The following ANKRD6 variants were observed in gnomAD, a reference collection of about 807,000 sequenced individuals.
ANKRD6 encodes ankyrin repeat domain-containing protein 6.
In ANKRD6, 56 loss-of-function variants were observed where a neutral mutation model predicts 82.3. The ratio of observed to expected loss-of-function variants is 0.68; its 90% confidence interval spans 0.55 to 0.85. ANKRD6 has a LOEUF of 0.85. ANKRD6 is among the 40% of genes least tolerant of loss of function. ANKRD6 has a pLI of 0.00. For synonymous variants in ANKRD6, 347 were observed against 352.1 expected (o/e 0.99, Z 0.16); for missense variants, 852 against 907.6 (o/e 0.94, Z 0.79).
At chr6:89,506,193 T>A (rs1779830015) in intron 1 of ANKRD6, among the ~76,000 whole-genome samples, 1 of 152,026 alleles carries the variant, frequency 6.6e-6, no homozygotes, top group Non-Finnish European at 1.5e-5. Flanking sequence ...GGAGAGTAGA[T>A]CTTAAGTATT....
intron 1 of ANKRD6, among the ~76,000 whole-genome samples, chr6:89,540,951 T>C (rs1228949224): frequency 6.6e-6 from 1 of 152,214 alleles, no homozygotes; most frequent in African/African-American, 2.4e-5. Flanking sequence ...TATGGATTTG[T>C]TTCTGGGTTC....
chr6:89,629,272 A>G, intron 15 of ANKRD6, 34 bp downstream of exon 15: 1 of 1,612,924 alleles, frequency 6.2e-7, no homozygotes, highest in Non-Finnish European at 8.5e-7. Flanking sequence ...TTTGTCCAAA[A>G]GGAACACGAC....
chr6:89,543,133 GA>G (rs1388640339), intron 1 of ANKRD6, among the ~76,000 whole-genome samples: 1 of 152,206 alleles, frequency 6.6e-6, no homozygotes. Context: ...CAGACGTGGC[GA>G]AAGCAAATCT....
intron 4 of ANKRD6, among the ~76,000 whole-genome samples, chr6:89,604,466 C>CTT (rs5878101): frequency 2.7e-5 from 4 of 148,878 alleles, no homozygotes; most frequent in African/African-American, 7.4e-5. Flanking sequence ...CCTCTGCTTA[C>CTT]TTTTTTTTTT....
chr6:89,546,365 T>C (rs1266796865), intron 1 of ANKRD6, among the ~76,000 whole-genome samples: 1 of 152,160 alleles, frequency 6.6e-6, no homozygotes, highest in Admixed American at 6.5e-5. Flanking sequence ...ATATGTAATT[T>C]TTGAAAAAGG....
intron 1 of ANKRD6, among the ~76,000 whole-genome samples, chr6:89,445,874 G>A (rs534451656): frequency 6.6e-6 from 1 of 151,670 alleles, no homozygotes; most frequent in Admixed American, 6.6e-5. Flanking sequence ...CACTGCGCCC[G>A]GCTGATCAGA....
At chr6:89,572,957 AGTTT>A (rs970585378) in intron 2 of ANKRD6, among the ~76,000 whole-genome samples, 14 of 152,094 alleles carry the variant, frequency 9.2e-5, no homozygotes, top group Middle Eastern at 3.4e-3. Flanking sequence ...AGCTCTTCAC[AGTTT>A]GTTTGTTTGT....
In ANKRD6 at chr6:89,633,378, ATATTTTTCCT is replaced by A. The variant is rs1422900956; in HGVS notation, c.*2384_*2393del. ...AAAAACTTAACTGCAGGTCCAGTGT[ATATTTTTCCT>A]TATTTTTCCCTTTTAGCTATCTGCT... On this transcript the variant is annotated 3_prime_UTR_variant, in exon 16 of 16. Transcript: ENST00000339746. 1 of 152,218 alleles carries A rather than the reference ATATTTTTCCT, an allele frequency of 6.6e-6. No individual in the cohort carries two copies. Among genetic ancestry groups the A allele is most frequent in the Non-Finnish European group, 1.5e-5 (1 of 68,036 alleles). 9.4% of individuals were successfully genotyped at this position (152,218 alleles called of 1,614,324 possible). A position where few individuals can be genotyped will look rare whatever the true frequency, so the allele number is the denominator to read the frequency against.
At chr6:89,541,055 A>C (rs1784392045) in intron 1 of ANKRD6, among the ~76,000 whole-genome samples, 1 of 152,126 alleles carries the variant, frequency 6.6e-6, no homozygotes. Flanking sequence ...GAAGTCAGGT[A>C]ATGTGATTCC....
rs764493548 is a variant in ANKRD6 at position 89,630,535 on chromosome 6, A to C, written c.1715A>C (p.Gln572Pro). Reference protein sequence around the residue: ...KEKALNSTATQRLQQELSSSD... With the variant: ...KEKALNSTATPRLQQELSSSD... ...AAGGCCCTCAACTCCACTGCTACCC[A>C]GAGACTCCAGCAGGAGCTGTCGTCT... The change falls in exon 16 of 16, where the codon CAG becomes CCG. Residue 572 changes from glutamine (Q) to proline (P), a missense_variant. Transcript: ENST00000339746. 13 of 1,613,884 alleles carry C rather than the reference A, an allele frequency of 8.1e-6. No homozygotes were observed. In the Admixed American group the frequency reaches 8.3e-5, roughly 10 times the overall value.
chr6:89,593,169 A>T (rs1442581289), intron 2 of ANKRD6, among the ~76,000 whole-genome samples: 1 of 152,196 alleles, frequency 6.6e-6, no homozygotes. Context: ...GCTGCCCAGA[A>T]GCACTTGTGT....
At position 89,437,951 on chromosome 6, in the gene ANKRD6, C is replaced by T. The variant is rs115482279; in HGVS notation, c.-144+4576C>T. ...CTGGGACTACAGGCACATAACACCA[C>T]GCCCTACTATTTTTGTATTTTTGGT... On this transcript the variant is annotated intron_variant, in intron 1 of 15. Transcript: ENST00000339746. Among the ~76,000 whole-genome samples the T allele has an allele frequency of 3.4e-3, 518 of 152,256 alleles. 2 individuals are homozygous for T. The highest frequency in any genetic ancestry group is 0.012 in the African/African-American group (484 of 41,552).
At chr6:89,510,320 T>C in intron 1 of ANKRD6, among the ~76,000 whole-genome samples, 1 of 152,180 alleles carries the variant, frequency 6.6e-6, no homozygotes, top group South Asian at 2.1e-4. Flanking sequence ...ATCTCTGATG[T>C]GCCTAACGTT....
At chr6:89,505,274 T>C (rs1779712961) in intron 1 of ANKRD6, among the ~76,000 whole-genome samples, 1 of 152,194 alleles carries the variant, frequency 6.6e-6, no homozygotes, top group Non-Finnish European at 1.5e-5. Flanking sequence ...AGTTGGAAAA[T>C]AAACAGTGGA....
chr6:89,585,503 A>T (rs766043268), intron 2 of ANKRD6, among the ~76,000 whole-genome samples: 1 of 152,260 alleles, frequency 6.6e-6, no homozygotes, highest in Non-Finnish European at 1.5e-5. Context: ...GTATATGCAT[A>T]TTTGACCACA....
chr6:89,600,517 A>G (rs1431526136), intron 3 of ANKRD6, among the ~76,000 whole-genome samples: 1 of 152,162 alleles, frequency 6.6e-6, no homozygotes, highest in Non-Finnish European at 1.5e-5. Flanking sequence ...CTAGAGTGTA[A>G]GTAGTTTGTG....
chr6:89,552,287 T>C (rs554547829), intron 1 of ANKRD6, among the ~76,000 whole-genome samples: 1 of 152,332 alleles, frequency 6.6e-6, no homozygotes, highest in Admixed American at 6.5e-5. Flanking sequence ...GTTAGAGTGC[T>C]TCTTCCTGCC....
At chr6:89,561,388 G>A (rs910470053) in intron 1 of ANKRD6, 2 of 152,202 alleles carry the variant, frequency 1.3e-5, no homozygotes, top group Non-Finnish European at 2.9e-5. Context: ...TGTCCACCCT[G>A]TCATTTCCCT....
intron 1 of ANKRD6, among the ~76,000 whole-genome samples, chr6:89,457,907 G>A (rs1773680275): frequency 6.6e-6 from 1 of 152,200 alleles, no homozygotes; most frequent in Non-Finnish European, 1.5e-5. Context: ...GGTACTAGGA[G>A]GTGGGGCCTT....
Sources: allele counts gnomAD v4.1 joint callset (sites outside exome capture counted in the v4.1 genomes callset), GRCh38; gene constraint gnomAD v4.1.1; transcripts MANE v1.5; gene names NCBI Gene and HGNC (gene_info 2026-07-23, HGNC 2026-07-21).